Variants in HELZ observed in about 807,000 individuals in gnomAD.
HELZ encodes the protein ATP-dependent RNA helicase with zinc finger domain.
Under a neutral mutation model 218.2 loss-of-function variants are expected in HELZ, and 23 were observed. That is an observed-to-expected ratio of 0.11 (90% CI 0.08 to 0.15). HELZ has a LOEUF of 0.15. HELZ is among the 10% of genes least tolerant of loss of function. The pLI is 1.00. For missense variants in HELZ, 1,813 were observed against 2,353.7 expected (o/e 0.77, Z 4.75); for synonymous variants, 814 against 829.4 (o/e 0.98, Z 0.32).
chr17:67,118,923 G>A (rs896938869), intron 27 of HELZ, among the ~76,000 whole-genome samples: 2 of 151,932 alleles, frequency 1.3e-5, no homozygotes, highest in African/African-American at 2.4e-5. Flanking sequence ...CATTATTAGG[G>A]ACATGCAAAC....
chr17:67,097,335 G>A, intron 31 of HELZ, among the ~76,000 whole-genome samples: 1 of 152,076 alleles, frequency 6.6e-6, no homozygotes, highest in South Asian at 2.1e-4. Flanking sequence ...CTCAACATGG[G>A]GTTACCATAA....
At chr17:67,228,998 A>C (rs971557712) in intron 3 of HELZ, among the ~76,000 whole-genome samples, 1 of 152,138 alleles carries the variant, frequency 6.6e-6, no homozygotes, top group Non-Finnish European at 1.5e-5. Context: ...GATTACAGGC[A>C]TGAGCCACTG....
At chr17:67,196,611 T>C (rs962770398) in intron 7 of HELZ, among the ~76,000 whole-genome samples, 5 of 121,324 alleles carry the variant, frequency 4.1e-5, no homozygotes, top group Admixed American at 3.7e-4. Context: ...GATGGGTGCA[T>C]GGGTGGGTGG....
intron 20 of HELZ, 77 bp from the exon 21 acceptor site, chr17:67,145,967 AGTCGATTCT>A: frequency 8.5e-7 from 1 of 1,182,176 alleles, no homozygotes; most frequent in Non-Finnish European, 1.2e-6. Context: ...AAAAAAAATC[AGTCGATTCT>A]AATAATATTG....
intron 3 of HELZ, chr17:67,224,561 T>C: frequency 1.8e-5 from 8 of 436,476 alleles, no homozygotes; most frequent in South Asian, 1.3e-4. Context: ...AAATAGTGTA[T>C]ACACGATTAT....
chr17:67,159,692 T>A (rs182241695), intron 17 of HELZ, among the ~76,000 whole-genome samples: 1 of 152,180 alleles, frequency 6.6e-6, no homozygotes, highest in African/African-American at 2.4e-5. Flanking sequence ...TGTCCATATA[T>A]ACTCAGAGGA....
intron 31 of HELZ, among the ~76,000 whole-genome samples, chr17:67,093,452 A>G (rs1413574169): frequency 1.3e-5 from 2 of 152,222 alleles, no homozygotes. Flanking sequence ...AAGATTAATA[A>G]TAATAGACAA....
At chr17:67,224,289 C>A (rs2143364730) in intron 3 of HELZ, 1 of 157,578 alleles carries the variant, frequency 6.3e-6, no homozygotes, top group East Asian at 1.9e-4. Context: ...TATACCGCAG[C>A]CATTTTTCTT....
intron 23 of HELZ, among the ~76,000 whole-genome samples, chr17:67,130,703 A>G (rs2037952392): frequency 6.6e-6 from 1 of 152,194 alleles, no homozygotes; most frequent in African/African-American, 2.4e-5. Context: ...AAGAATAGCC[A>G]CAATATTCAA....
Position 67,109,581 on chromosome 17 carries a change from T to C in HELZ, c.4024A>G (p.Ile1342Val), listed in dbSNP as rs758400884. 8.7e-6 allele frequency: 14 copies of C among 1,614,228 alleles called. No individual in the cohort carries two copies. The East Asian group carries it at 2.9e-4, about 33-fold the overall frequency. ...PRKDNLNPRH[I>V]NLPLPAPHAQ... ...TGGGGAGCAGGAAGGGGAAGATTTA[T>C]GTGTCTTGGGTTGAGATTATCTTTG... is the stretch of plus-strand genomic sequence containing the variant. Residue 1342 changes from isoleucine (I) to valine (V), a missense_variant, in exon 29 of 33, where the codon ATA (isoleucine) becomes GTA (valine). Transcript: ENST00000358691.
chr17:67,218,092 G>A (rs1306306732), intron 4 of HELZ, among the ~76,000 whole-genome samples: 2 of 151,792 alleles, frequency 1.3e-5, no homozygotes, highest in Admixed American at 6.6e-5. Flanking sequence ...GCGCTACCAC[G>A]CCTGGCTAAT....
At chr17:67,115,459 TCAA>T (rs1324486303) in intron 27 of HELZ, among the ~76,000 whole-genome samples, 1 of 151,778 alleles carries the variant, frequency 6.6e-6, no homozygotes, top group African/African-American at 2.4e-5. Flanking sequence ...TCTGAGCAAC[TCAA>T]CAAACCTCAA....
chr17:67,122,355 C>A (rs562620576), intron 26 of HELZ, among the ~76,000 whole-genome samples: 1 of 152,288 alleles, frequency 6.6e-6, no homozygotes, highest in Non-Finnish European at 1.5e-5. Context: ...ACCATCCTGG[C>A]TAACATGGTG....
chr17:67,138,155 C>A, intron 21 of HELZ, 41 bp from the exon 22 acceptor site: 1 of 1,445,152 alleles, frequency 6.9e-7, no homozygotes, highest in Non-Finnish European at 9.3e-7. Context: ...AAGTTATCAC[C>A]AATGTTTGGA....
rs1598393367 is a variant in HELZ, at chr17:67,188,172, T to C, written c.1162+147A>G. 9.8e-6 allele frequency: 7 copies of C among 711,074 alleles called. No individual in the cohort carries two copies. The highest frequency in any genetic ancestry group is 4.1e-4 in the Middle Eastern group (1 of 2,466). 44.0% of individuals were successfully genotyped at this position (711,074 alleles called of 1,614,324 possible). A position where few individuals can be genotyped will look rare whatever the true frequency, so the allele number is the denominator to read the frequency against. On this transcript the variant is annotated intron_variant, in intron 12 of 32. Transcript: ENST00000358691. The surrounding 1 kb of genome is among the most constrained non-coding windows in gnomAD (Gnocchi z 4.1). ...CACAGTGTGAATCATTATAAGCCCA[T>C]TACACAGTAAATGAGTCAATTAAGT... is the stretch of plus-strand genomic sequence containing the variant.
intron 17 of HELZ, among the ~76,000 whole-genome samples, chr17:67,155,046 T>C (rs1186224273): frequency 2.6e-5 from 4 of 152,202 alleles, no homozygotes; most frequent in African/African-American, 9.6e-5. Flanking sequence ...AATCTGATAG[T>C]AGAATAAAGG....
At chr17:67,210,370 G>GA (rs1311988741) in intron 5 of HELZ, among the ~76,000 whole-genome samples, 5 of 152,164 alleles carry the variant, frequency 3.3e-5, no homozygotes, top group Admixed American at 3.3e-4. Context: ...GCTGATTACT[G>GA]AATCATTTAC....
At chr17:67,182,581 G>A (rs914595074) in intron 12 of HELZ, among the ~76,000 whole-genome samples, 21 of 152,096 alleles carry the variant, frequency 1.4e-4, no homozygotes, top group African/African-American at 5.1e-4. Context: ...AGAAATTACA[G>A]ACCTATGGAA....
chr17:67,189,442 A>T (rs1174500908), intron 11 of HELZ, 147 bp downstream of exon 11: 1 of 497,726 alleles, frequency 2.0e-6, no homozygotes, highest in African/African-American at 1.9e-5. Flanking sequence ...AAGTACAGAA[A>T]TATACTTTAG....
Sources: gnomAD v4.1 joint callset for allele counts (sites outside exome capture counted in the v4.1 genomes callset) on GRCh38, gnomAD v4.1.1 for gene constraint, Gnocchi (gnomAD v3.1) non-coding constraint, MANE v1.5 for transcripts, NCBI Gene and HGNC (gene_info 2026-07-23, HGNC 2026-07-21) for gene names.